The following L3MBTL4 variants were observed in gnomAD, a reference collection of about 807,000 sequenced individuals.
The protein encoded by L3MBTL4 is lethal(3)malignant brain tumor-like protein 4.
In L3MBTL4, 70 loss-of-function variants were observed where a neutral mutation model predicts 84.5. That is an observed-to-expected ratio of 0.83 (90% confidence interval 0.68 to 1.01). The LOEUF is 1.01. Among genes scored for constraint, L3MBTL4 ranks in the 50% least tolerant of loss-of-function variants. The probability of loss-of-function intolerance (pLI) is 0.00; values close to 1 mark genes in which losing one functional copy is unlikely to be tolerated. For missense variants in L3MBTL4, 715 were observed against 754.8 expected (o/e 0.95, Z 0.62); for synonymous variants, 274 against 259.8 (o/e 1.05, Z -0.52).
intron 12 of L3MBTL4, among the ~76,000 whole-genome samples, chr18:6,191,339 C>T (rs1484061399): frequency 1.3e-5 from 2 of 151,972 alleles, no homozygotes; most frequent in African/African-American, 4.8e-5. Context: ...AAGCTGTAGT[C>T]AACAGTTTGC....
intron 14 of L3MBTL4, among the ~76,000 whole-genome samples, chr18:6,135,239 C>T (rs1469435435): frequency 2.0e-5 from 3 of 152,156 alleles, no homozygotes; most frequent in African/African-American, 7.2e-5. Context: ...CACAAAACCA[C>T]TTTTTCCTCC....
chr18:6,272,516 G>A (rs112934749), intron 4 of L3MBTL4, among the ~76,000 whole-genome samples: 3 of 65,930 alleles, frequency 4.6e-5, no homozygotes, highest in East Asian at 3.4e-4. Flanking sequence ...ACGGGGAAAG[G>A]GGGAGTTGTG....
chr18:6,117,610 A>C (rs2059397837), intron 14 of L3MBTL4, among the ~76,000 whole-genome samples: 1 of 152,206 alleles, frequency 6.6e-6, no homozygotes, highest in Non-Finnish European at 1.5e-5. Context: ...ACTTACTAGG[A>C]ATCAGCAAGA....
intron 16 of L3MBTL4, among the ~76,000 whole-genome samples, chr18:6,057,874 T>C (rs942301641): frequency 1.2e-4 from 18 of 152,352 alleles, no homozygotes; most frequent in African/African-American, 4.3e-4. Context: ...ATATCAGGTA[T>C]AGTTCCTAAG....
intron 16 of L3MBTL4, among the ~76,000 whole-genome samples, chr18:6,046,332 G>T (rs530350401): frequency 1.3e-5 from 2 of 152,298 alleles, no homozygotes; most frequent in South Asian, 2.1e-4. Flanking sequence ...GCCACTGACA[G>T]TGTTAGACAG....
chr18:6,147,244 A>C (rs1826786726), intron 13 of L3MBTL4, among the ~76,000 whole-genome samples: 1 of 152,112 alleles, frequency 6.6e-6, no homozygotes, highest in African/African-American at 2.4e-5. Flanking sequence ...TTACCCTTGA[A>C]CATTGGAGAA....
chr18:6,102,034 G>A (rs1326384813), intron 14 of L3MBTL4, among the ~76,000 whole-genome samples: 3 of 152,070 alleles, frequency 2.0e-5, no homozygotes, highest in Non-Finnish European at 4.4e-5. Context: ...CAGTTTTAAC[G>A]CACACCTCCC....
At chr18:6,085,512 C>T (rs769440789) in intron 15 of L3MBTL4, among the ~76,000 whole-genome samples, 6 of 152,176 alleles carry the variant, frequency 3.9e-5, no homozygotes, top group Non-Finnish European at 8.8e-5. Flanking sequence ...AAGGTAGAGA[C>T]GAGGTGCAGG....
intron 4 of L3MBTL4, among the ~76,000 whole-genome samples, chr18:6,269,966 AGTGGCCC>A (rs2146453984): frequency 6.6e-6 from 1 of 152,346 alleles, no homozygotes; most frequent in East Asian, 1.9e-4. Context: ...ATATCTTAAG[AGTGGCCC>A]TTTCCCAATT....
chr18:6,111,887 C>T (rs2059207652), intron 14 of L3MBTL4, among the ~76,000 whole-genome samples: 1 of 152,036 alleles, frequency 6.6e-6, no homozygotes. Context: ...TTCAAGAATA[C>T]AACACATTGT....
chr18:6,307,384 C>G (rs1488451199), intron 3 of L3MBTL4, among the ~76,000 whole-genome samples: 2 of 150,696 alleles, frequency 1.3e-5, no homozygotes, highest in East Asian at 3.9e-4. Context: ...TTGCAGTGAG[C>G]CGAGATTGCG....
At chr18:6,082,940 T>C (rs2058129075) in intron 15 of L3MBTL4, among the ~76,000 whole-genome samples, 1 of 152,180 alleles carries the variant, frequency 6.6e-6, no homozygotes, top group African/African-American at 2.4e-5. Flanking sequence ...AGCCTTTTCA[T>C]TTCCCATTTC....
At chr18:6,351,672 C>T (rs954968472) in intron 1 of L3MBTL4, among the ~76,000 whole-genome samples, 7 of 152,064 alleles carry the variant, frequency 4.6e-5, no homozygotes, top group Non-Finnish European at 8.8e-5. Flanking sequence ...CTGCCTCAGC[C>T]TCCCGAGTAG....
intron 16 of L3MBTL4, among the ~76,000 whole-genome samples, chr18:6,040,433 T>A (rs982273436): frequency 3.3e-5 from 5 of 152,166 alleles, no homozygotes; most frequent in Non-Finnish European, 7.3e-5. Context: ...ACCCAAAATG[T>A]CTATAGCATT....
intron 1 of L3MBTL4, among the ~76,000 whole-genome samples, chr18:6,384,773 G>A (rs73389670): frequency 0.15 from 22,282 of 152,096 alleles, 2,115 homozygotes; most frequent in East Asian, 0.33. Flanking sequence ...TGTCTGTCAC[G>A]GATGGTCTCC....
At chr18:6,120,290 C>G (rs932187915) in intron 14 of L3MBTL4, among the ~76,000 whole-genome samples, 7 of 152,116 alleles carry the variant, frequency 4.6e-5, no homozygotes, top group African/African-American at 1.4e-4. Flanking sequence ...GGCCTTTACA[C>G]CAGTCATTAC....
intron 15 of L3MBTL4, among the ~76,000 whole-genome samples, chr18:6,085,873 C>A (rs952520903): frequency 6.6e-6 from 1 of 152,176 alleles, no homozygotes; most frequent in Non-Finnish European, 1.5e-5. Flanking sequence ...AATCTGTTAA[C>A]CCTAGTGACC....
chr18:6,369,946 C>T (rs567464046), intron 1 of L3MBTL4, among the ~76,000 whole-genome samples: 1 of 152,070 alleles, frequency 6.6e-6, no homozygotes, highest in Admixed American at 6.5e-5. Flanking sequence ...CCAGCCTGGC[C>T]AACATGGTGA....
chr18:6,144,740 C>T (rs547835947), intron 13 of L3MBTL4, among the ~76,000 whole-genome samples: 1 of 152,240 alleles, frequency 6.6e-6, no homozygotes, highest in African/African-American at 2.4e-5. Context: ...GGAAAGGCAC[C>T]GTAAAGACAA....
Sources: gnomAD v4.1 joint callset for allele counts (sites outside exome capture counted in the v4.1 genomes callset) on GRCh38, gnomAD v4.1.1 for gene constraint, MANE v1.5 for transcripts, NCBI Gene and HGNC (gene_info 2026-07-23, HGNC 2026-07-21) for gene names.